Variants in NHS observed in about 807,000 individuals in gnomAD.
NHS encodes actin remodeling regulator NHS.
In NHS, 5 loss-of-function variants were observed where a neutral mutation model predicts 72.5. The observed-to-expected ratio is 0.07, with a 90% CI of 0.04 to 0.14. NHS has a LOEUF of 0.14. Ranked by LOEUF, NHS falls within the 10% of genes least tolerant of loss-of-function variation. The pLI, the probability that NHS is intolerant of heterozygous loss-of-function variation, is 1.00. For missense variants in NHS, 1,072 were observed against 1,355.7 expected, an observed-to-expected ratio of 0.79 and a Z score of 3.29; for synonymous variants, 464 against 547.7, an observed-to-expected ratio of 0.85 and a Z score of 2.13.
intron 1 of NHS, among the ~76,000 whole-genome samples, chrX:17,384,924 A>AAAC (rs777849673): frequency 2.4e-4 from 27 of 112,410 alleles, no homozygotes; most frequent in Non-Finnish European, 3.9e-4. Context: ...AGACTGGAAC[A>AAAC]AACAATCACA....
intron 1 of NHS, among the ~76,000 whole-genome samples, chrX:17,680,557 C>T (rs907944612): frequency 3.5e-5 from 4 of 113,148 alleles, no homozygotes. Context: ...CACAAAACAA[C>T]ACTGCATGCA....
intron 1 of NHS, among the ~76,000 whole-genome samples, chrX:17,558,611 A>G (rs1320892183): frequency 8.9e-6 from 1 of 112,363 alleles, no homozygotes; most frequent in African/African-American, 3.2e-5. Context: ...TTAAAAAGCT[A>G]GTCTTCTGAT....
intron 1 of NHS, among the ~76,000 whole-genome samples, chrX:17,656,813 G>A (rs946863501): frequency 3.6e-5 from 4 of 111,641 alleles, no homozygotes; most frequent in Admixed American, 9.4e-5. Flanking sequence ...ATGAGGATTC[G>A]ACGGCTCTGT....
At chrX:17,588,476 A>T (rs1162529048) in intron 1 of NHS, among the ~76,000 whole-genome samples, 2 of 111,883 alleles carry the variant, frequency 1.8e-5, no homozygotes, top group African/African-American at 6.5e-5. Flanking sequence ...AAATAATGGG[A>T]GGTTTTGTAG....
chrX:17,514,665 T>A (rs1471848402), intron 1 of NHS, among the ~76,000 whole-genome samples: 1 of 111,781 alleles, frequency 8.9e-6, no homozygotes. Flanking sequence ...ATCTGTTAGT[T>A]CTGTCCCTTT....
chrX:17,687,992 T>TTA, intron 2 of NHS, 98 bp downstream of exon 2: 1 of 949,165 alleles, frequency 1.1e-6, no homozygotes, highest in African/African-American at 1.9e-5. Flanking sequence ...CACCCCCTTA[T>TTA]TATAGCAAGT....
intron 1 of NHS, among the ~76,000 whole-genome samples, chrX:17,389,974 ACT>A (rs912367260): frequency 2.7e-5 from 3 of 110,994 alleles, no homozygotes; most frequent in Admixed American, 1.9e-4. Flanking sequence ...AGACCTTGAT[ACT>A]CTCTGGTACA....
intron 1 of NHS, among the ~76,000 whole-genome samples, chrX:17,589,165 ATTTTT>A (rs2065590140): frequency 9.1e-6 from 1 of 109,340 alleles, no homozygotes; most frequent in African/African-American, 3.5e-5. Flanking sequence ...TTATTTTTTA[ATTTTT>A]TATTTCCATA....
intron 1 of NHS, among the ~76,000 whole-genome samples, chrX:17,546,264 C>A (rs1044294096): frequency 8.9e-6 from 1 of 112,284 alleles, no homozygotes; most frequent in African/African-American, 3.2e-5. Flanking sequence ...GCCCCTTCTT[C>A]TTCCTCCATC....
chrX:17,719,219 G>A (rs2066390744), intron 3 of NHS, 125 bp from the exon 4 acceptor site: 2 of 525,829 alleles, frequency 3.8e-6, no homozygotes, highest in Non-Finnish European at 6.3e-6. Flanking sequence ...AAGGAGGGAA[G>A]GAAGGAAGGA....
intron 1 of NHS, among the ~76,000 whole-genome samples, chrX:17,508,349 A>G (rs1337396712): frequency 4.5e-5 from 5 of 111,679 alleles, no homozygotes; most frequent in Non-Finnish European, 9.4e-5. Context: ...AGCTTCTTTC[A>G]GTTAGCATAA....
intron 1 of NHS, among the ~76,000 whole-genome samples, chrX:17,553,986 A>T (rs1233428489): frequency 9.0e-6 from 1 of 111,711 alleles, no homozygotes; most frequent in East Asian, 2.8e-4. Context: ...AGTGGGGACA[A>T]CTTCCTTAAG....
At chrX:17,495,654 A>G (rs764712685) in intron 1 of NHS, among the ~76,000 whole-genome samples, 1 of 112,062 alleles carries the variant, frequency 8.9e-6, no homozygotes, top group East Asian at 2.8e-4. Context: ...TTCTCAGTCA[A>G]AACTAAATGC....
chrX:17,392,126 A>G (rs1018798036), intron 1 of NHS, among the ~76,000 whole-genome samples: 12 of 111,804 alleles, frequency 1.1e-4, no homozygotes, highest in African/African-American at 3.6e-4. Flanking sequence ...AAGGCCATAT[A>G]AAAGCTCCTA....
intron 1 of NHS, among the ~76,000 whole-genome samples, chrX:17,466,957 A>G (rs2064873248): frequency 8.9e-6 from 1 of 111,847 alleles, no homozygotes; most frequent in Non-Finnish European, 1.9e-5. Flanking sequence ...CTGTTAATGT[A>G]CAGAGGCCAA....
intron 1 of NHS, among the ~76,000 whole-genome samples, chrX:17,664,582 A>C (rs1248209387): frequency 8.9e-6 from 1 of 112,413 alleles, no homozygotes; most frequent in Non-Finnish European, 1.9e-5. Flanking sequence ...CTTTCTTGCC[A>C]AAACCACACT....
intron 1 of NHS, among the ~76,000 whole-genome samples, chrX:17,404,805 C>CTCTG (rs758196534): frequency 5.9e-5 from 6 of 102,423 alleles, no homozygotes; most frequent in African/African-American, 2.2e-4. Flanking sequence ...AACACTCTGT[C>CTCTG]TCTCTCTCTC....
rs760131209 is a variant in NHS, at chrX:17,649,592, T to C, written c.566-38150T>C. 1.4e-4 allele frequency among the ~76,000 whole-genome samples: 16 copies of C among 111,006 alleles called. No individual in the cohort carries two copies. In the Middle Eastern group the frequency reaches 0.018, roughly 128 times the overall value. Reference sequence around the variant, plus strand: ...GATAATGGTTTTATTTATTATTTTATATTCATTGCCGGTATATGCAAAGTT... The same window carrying C: ...GATAATGGTTTTATTTATTATTTTACATTCATTGCCGGTATATGCAAAGTT... On this transcript the variant is annotated intron_variant, in intron 1 of 8. Transcript: ENST00000676302.
rs147031375 is a variant in NHS, at chrX:17,437,845, A to C, written c.565+61523A>C. ...GTTCCCTATTATTTTTAAGTCACAG[A>C]TACAAGCCCTTGAGGAAGCATCAGT... is the stretch of plus-strand genomic sequence containing the variant. On this transcript the variant is annotated intron_variant, in intron 1 of 8. Coordinates refer to ENST00000676302, the MANE Select transcript of NHS (RefSeq NM_001291867.2). Among the ~76,000 whole-genome samples, 7 of 111,529 alleles carry C rather than the reference A, an allele frequency of 6.3e-5. No homozygotes were observed. In the Admixed American group the frequency reaches 6.7e-4, roughly 11 times the overall value.
Sources: gnomAD v4.1 joint callset for allele counts (sites outside exome capture counted in the v4.1 genomes callset) on GRCh38, gnomAD v4.1.1 for gene constraint, MANE v1.5 for transcripts, NCBI Gene and HGNC (gene_info 2026-07-23, HGNC 2026-07-21) for gene names.